The following GRIA1 variants were observed in gnomAD, a reference collection of about 807,000 sequenced individuals.
The protein encoded by GRIA1 is glutamate receptor 1.
Under a neutral mutation model 99.2 loss-of-function variants are expected in GRIA1, and 31 were observed. That is an observed-to-expected ratio of 0.31 (90% CI 0.23 to 0.42). The LOEUF is 0.42. Among genes scored for constraint, GRIA1 ranks in the 10% least tolerant of loss-of-function variants. The pLI, the probability that GRIA1 is intolerant of heterozygous loss-of-function variation, is 1.00. For synonymous variants in GRIA1, 438 were observed against 432.4 expected, an observed-to-expected ratio of 1.01 and a Z score of -0.16; for missense variants, 782 against 1,157.5, an observed-to-expected ratio of 0.68 and a Z score of 4.71.
chr5:153,575,133 T>G (rs750733924), intron 2 of GRIA1, among the ~76,000 whole-genome samples: 7 of 152,076 alleles, frequency 4.6e-5, no homozygotes, highest in Non-Finnish European at 7.4e-5. Flanking sequence ...CCTGCAATGG[T>G]CTCTTGGTCT....
intron 4 of GRIA1, among the ~76,000 whole-genome samples, chr5:153,650,794 C>T (rs992003069): frequency 4.0e-5 from 6 of 148,886 alleles, no homozygotes; most frequent in African/African-American, 1.5e-4. Context: ...TGCAGTGGCT[C>T]AGGCCTGTAA....
chr5:153,706,208 T>C lies in GRIA1; in HGVS notation c.1823+141T>C, dbSNP rs562239470. ...TCAGTTTTTCAACTATTCTTTACAA[T>C]CAACTGTCCATTGCACGCTGTGGAT... On this transcript the variant is annotated intron_variant, in intron 11 of 15. Transcript: ENST00000285900. 1.5e-4 allele frequency: 123 copies of C among 805,266 alleles called. No individual in the cohort carries two copies. In the African/African-American group the frequency reaches 1.9e-3, roughly 12 times the overall value. The allele number at this position is 805,266 out of a possible 1,614,324, so 49.9% of individuals were successfully genotyped here. A position where few individuals can be genotyped will look rare whatever the true frequency, so the allele number is the denominator to read the frequency against.
intron 13 of GRIA1, among the ~76,000 whole-genome samples, chr5:153,774,051 T>G (rs1764052601): frequency 7.4e-6 from 1 of 134,982 alleles, no homozygotes; most frequent in African/African-American, 2.8e-5. Flanking sequence ...TAACCACGCC[T>G]CTCCTACACC....
intron 11 of GRIA1, among the ~76,000 whole-genome samples, chr5:153,755,926 G>A (rs1223807325): frequency 6.6e-6 from 1 of 152,226 alleles, no homozygotes; most frequent in East Asian, 1.9e-4. Context: ...AAACAACTTT[G>A]TTCCTCAAAG....
At chr5:153,574,319 A>G (rs1214142939) in intron 2 of GRIA1, 2 of 152,190 alleles carry the variant, frequency 1.3e-5, no homozygotes, top group Non-Finnish European at 2.9e-5. Flanking sequence ...AGTAACAACA[A>G]TAAATATCCT....
chr5:153,591,138 C>A (rs765604496), intron 2 of GRIA1, among the ~76,000 whole-genome samples: 7 of 152,212 alleles, frequency 4.6e-5, no homozygotes, highest in Non-Finnish European at 1.0e-4. Context: ...GTGGAGAAGT[C>A]AGCTAGATCA....
intron 11 of GRIA1, among the ~76,000 whole-genome samples, chr5:153,724,412 G>A (rs972494249): frequency 1.3e-5 from 2 of 152,192 alleles, no homozygotes; most frequent in African/African-American, 4.8e-5. Context: ...ACTTTGACGA[G>A]TTGAGAGAGG....
At chr5:153,552,817 T>A (rs1035259708) in intron 2 of GRIA1, among the ~76,000 whole-genome samples, 5 of 152,184 alleles carry the variant, frequency 3.3e-5, no homozygotes, top group Admixed American at 6.5e-5. Context: ...GCCTAAGAGA[T>A]CTTCTGGTCT....
At chr5:153,508,608 C>G (rs1405606398) in intron 2 of GRIA1, among the ~76,000 whole-genome samples, 2 of 152,112 alleles carry the variant, frequency 1.3e-5, no homozygotes, top group African/African-American at 4.8e-5. Flanking sequence ...GCAATAAAAT[C>G]ACTAATGGAT....
intron 11 of GRIA1, among the ~76,000 whole-genome samples, chr5:153,728,328 G>A (rs1287574343): frequency 6.7e-6 from 1 of 149,832 alleles, no homozygotes; most frequent in Non-Finnish European, 1.5e-5. Flanking sequence ...CATAGGCAAG[G>A]ACTTCATGTC....
intron 11 of GRIA1, among the ~76,000 whole-genome samples, chr5:153,764,203 G>A (rs1048042799): frequency 1.3e-5 from 2 of 152,114 alleles, no homozygotes; most frequent in African/African-American, 4.8e-5. Context: ...GTGCATGTGG[G>A]CTTTATCACC....
intron 2 of GRIA1, among the ~76,000 whole-genome samples, chr5:153,609,018 G>A (rs1765714013): frequency 6.6e-6 from 1 of 151,990 alleles, no homozygotes; most frequent in Non-Finnish European, 1.5e-5. Flanking sequence ...TACTCCTATT[G>A]GGCAGCCCTT....
At chr5:153,566,320 T>TTTTTTTTTTTTTTTTTTTTTTTTTC (rs1554098080) in intron 2 of GRIA1, among the ~76,000 whole-genome samples, 1 of 141,026 alleles carries the variant, frequency 7.1e-6, no homozygotes, top group East Asian at 2.1e-4. Context: ...TTTTTTTTTT[T>TTTTTTTTTTTTTTTTTTTTTTTTTC]CCAGAGACAG....
intron 11 of GRIA1, among the ~76,000 whole-genome samples, chr5:153,743,107 C>T (rs1761923843): frequency 6.6e-6 from 1 of 152,318 alleles, no homozygotes; most frequent in East Asian, 1.9e-4. Flanking sequence ...TTATTCTTAA[C>T]TGCCTCTTCA....
intron 11 of GRIA1, among the ~76,000 whole-genome samples, chr5:153,732,924 T>A (rs919535620): frequency 9.0e-5 from 13 of 144,860 alleles, no homozygotes; most frequent in Middle Eastern, 3.3e-3. Flanking sequence ...GAGTTAAATT[T>A]CTTTTTTTTT....
intron 10 of GRIA1, 97 bp from the exon 11 acceptor site, chr5:153,705,600 A>T: frequency 7.1e-7 from 1 of 1,405,428 alleles, no homozygotes. Context: ...TTTAAGACAC[A>T]AAAGAATAGT....
chr5:153,655,879 A>G lies in GRIA1; in HGVS notation c.699+7A>G. The G allele has an allele frequency of 6.2e-7, 1 of 1,612,250 alleles. No individual in the cohort carries two copies. Among genetic ancestry groups the G allele is most frequent in the Non-Finnish European group, 8.5e-7 (1 of 1,178,532 alleles). ...CTACATTCTTGCAAATCTGGTGAGT[A>G]GAGCACTGCAGGCTCTCAGCTCAAG... On this transcript the variant is annotated splice_region_variant and intron_variant, in intron 5 of 15. Transcript: ENST00000285900.
At chr5:153,552,320 G>A (rs1481791673) in intron 2 of GRIA1, among the ~76,000 whole-genome samples, 1 of 151,842 alleles carries the variant, frequency 6.6e-6, no homozygotes, top group Non-Finnish European at 1.5e-5. Flanking sequence ...TGCTGGCCAC[G>A]TCCTGTAAGA....
At chr5:153,509,524 ACT>A (rs1263144005) in intron 2 of GRIA1, among the ~76,000 whole-genome samples, 1 of 151,840 alleles carries the variant, frequency 6.6e-6, no homozygotes, top group East Asian at 1.9e-4. Flanking sequence ...TATTGTTAAG[ACT>A]CTGAGGTTTT....
Sources: allele counts gnomAD v4.1 joint callset (sites outside exome capture counted in the v4.1 genomes callset), GRCh38; gene constraint gnomAD v4.1.1; transcripts MANE v1.5; gene names NCBI Gene and HGNC (gene_info 2026-07-23, HGNC 2026-07-21).